LRGUK: variants seen among roughly 807,000 people sequenced by gnomAD.
LRGUK encodes the protein leucine-rich repeat and guanylate kinase domain-containing protein.
LRGUK carries 65 observed loss-of-function variants against 76.0 expected under a neutral mutation model. The ratio of observed to expected loss-of-function variants is 0.85; its 90% confidence interval spans 0.70 to 1.05. The LOEUF (loss-of-function observed/expected upper bound fraction) is 1.05, where lower values mean the gene tolerates loss of function less well. LRGUK is among the 50% of genes least tolerant of loss of function. LRGUK has a pLI of 0.00. For missense variants in LRGUK, 758 were observed against 732.8 expected, an observed-to-expected ratio of 1.03 and a Z score of -0.40; for synonymous variants, 268 against 265.6, an observed-to-expected ratio of 1.01 and a Z score of -0.09.
chr7:134,243,550 G>C (rs1802217608), intron 16 of LRGUK, among the ~76,000 whole-genome samples: 1 of 151,674 alleles, frequency 6.6e-6, no homozygotes, highest in African/African-American at 2.4e-5. Flanking sequence ...CAAAATAAAA[G>C]AGGACACAAA....
chr7:134,253,304 A>T (rs1234276829), intron 18 of LRGUK, among the ~76,000 whole-genome samples: 2 of 152,206 alleles, frequency 1.3e-5, no homozygotes, highest in Non-Finnish European at 2.9e-5. Context: ...GCAGACCCGT[A>T]ATGACAAAGT....
intron 5 of LRGUK, 63 bp downstream of exon 5, chr7:134,148,382 T>C: frequency 1.0e-6 from 1 of 966,578 alleles, no homozygotes; most frequent in African/African-American, 1.7e-5. Flanking sequence ...AGACTACATA[T>C]TCAAGAATTG....
intron 5 of LRGUK, among the ~76,000 whole-genome samples, chr7:134,149,638 C>G (rs976416879): frequency 1.2e-4 from 19 of 152,170 alleles, no homozygotes; most frequent in African/African-American, 4.6e-4. Flanking sequence ...TGATTATAGC[C>G]TAACAGAGAA....
chr7:134,148,513 T>G (rs1798071904), intron 5 of LRGUK, among the ~76,000 whole-genome samples, 194 bp downstream of exon 5: 1 of 152,146 alleles, frequency 6.6e-6, no homozygotes, highest in Non-Finnish European at 1.5e-5. Context: ...GAAATGAAAC[T>G]GTGAGTCAAA....
At chr7:134,157,543 G>A (rs1487722683) in intron 5 of LRGUK, among the ~76,000 whole-genome samples, 1 of 152,322 alleles carries the variant, frequency 6.6e-6, no homozygotes, top group East Asian at 1.9e-4. Context: ...GTTTTTTTGA[G>A]ACGGAGTCTT....
At chr7:134,263,869 A>T in exon 20 of LRGUK, 1 of 1,610,700 alleles carries the variant, frequency 6.2e-7, no homozygotes, top group Non-Finnish European at 8.5e-7. Flanking sequence ...TCATTTTCAC[A>T]TGAAAAAGAG....
intron 16 of LRGUK, among the ~76,000 whole-genome samples, chr7:134,247,018 C>T (rs746328165): frequency 6.6e-6 from 1 of 152,134 alleles, no homozygotes; most frequent in Non-Finnish European, 1.5e-5. Context: ...AGACCATAAA[C>T]CTTTTGAATG....
chr7:134,243,608 T>C (rs1802219305), intron 16 of LRGUK, among the ~76,000 whole-genome samples: 1 of 152,058 alleles, frequency 6.6e-6, no homozygotes, highest in African/African-American at 2.4e-5. Context: ...ATCAATATTG[T>C]GAAAATGGCC....
intron 12 of LRGUK, among the ~76,000 whole-genome samples, chr7:134,194,410 AG>A (rs1167215034): frequency 6.6e-6 from 1 of 152,182 alleles, no homozygotes; most frequent in Non-Finnish European, 1.5e-5. Context: ...AGTGTTAGTC[AG>A]GGTTCTCCAG....
intron 14 of LRGUK, among the ~76,000 whole-genome samples, chr7:134,200,181 T>A (rs1031863867): frequency 6.6e-6 from 1 of 150,394 alleles, no homozygotes; most frequent in Admixed American, 6.6e-5. Flanking sequence ...GGATTACAGG[T>A]GCCCGCCACC....
At position 134,199,437 on chromosome 7, in the gene LRGUK, CAA is replaced by C. The variant is rs1800657547; in HGVS notation, c.1747+18_1747+19del. 6.3e-7 allele frequency: 1 copy of C among 1,599,088 alleles called. No individual in the cohort carries two copies. The highest frequency in any genetic ancestry group is 1.7e-5 in the Admixed American group (1 of 59,248). On this transcript the variant is annotated intron_variant, in intron 14 of 15. Coordinates refer to ENST00000645682, the Ensembl canonical transcript of LRGUK. ...ATCAATGCAGGTTGGTAATTTTCAGCAAAGTTTTGTTTTTGAAATGTAAGATT... is the reference window on the plus strand; with the variant it reads ...ATCAATGCAGGTTGGTAATTTTCAGCAGTTTTGTTTTTGAAATGTAAGATT...
chr7:134,164,718 T>TGTG (rs1798897300), intron 7 of LRGUK, among the ~76,000 whole-genome samples: 2 of 152,290 alleles, frequency 1.3e-5, no homozygotes, highest in East Asian at 3.9e-4. Flanking sequence ...TGTGTTCTGC[T>TGTG]GTGGTGGTGC....
chr7:134,270,610 A>G, the LRGUK span, among the ~76,000 whole-genome samples: 2 of 152,072 alleles, frequency 1.3e-5, no homozygotes, highest in Non-Finnish European at 2.9e-5. Flanking sequence ...GTTGTTCTCC[A>G]TGAGTCAAAA....
At chr7:134,212,323 G>A (rs139815432), downstream of LRGUK, among the ~76,000 whole-genome samples, 6 of 152,326 alleles carry the variant, frequency 3.9e-5, no homozygotes, top group African/African-American at 1.4e-4. Flanking sequence ...AACTCAAGAT[G>A]TGACTCTTAA....
chr7:134,136,865 T>C (rs747349656), intron 1 of LRGUK, among the ~76,000 whole-genome samples, 158 bp from the exon 2 acceptor site: 1 of 152,256 alleles, frequency 6.6e-6, no homozygotes, highest in Non-Finnish European at 1.5e-5. Flanking sequence ...GTAATATGTA[T>C]ATGTTATCAA....
At chr7:134,249,097 G>A (rs755485451) in intron 18 of LRGUK, 21 bp downstream of exon 18, 68 of 1,544,782 alleles carry the variant, frequency 4.4e-5, no homozygotes, top group Non-Finnish European at 5.6e-5. Flanking sequence ...GTGTTTTGTT[G>A]GATGGAATTG....
rs531384050 is a variant in LRGUK at position 134,245,108 on chromosome 7, CA to C, written c.1984-2447del. Among the ~76,000 whole-genome samples, 722 of 152,208 alleles carry C rather than the reference CA, an allele frequency of 4.7e-3. 1 individual carries two copies. The highest frequency in any genetic ancestry group is 7.5e-3 in the Non-Finnish European group (511 of 68,020). On this transcript the variant is annotated intron_variant, in intron 16 of 19. Coordinates refer to the LRGUK transcript ENST00000285928. ...GTAAATGACGAGTTAATGGGTGCAGCACACCAACATGGCACATGTATACATA... is the reference window on the plus strand; with the variant it reads ...GTAAATGACGAGTTAATGGGTGCAGCCACCAACATGGCACATGTATACATA...
intron 15 of LRGUK, among the ~76,000 whole-genome samples, chr7:134,207,286 A>G (rs919683887): frequency 6.6e-6 from 1 of 152,146 alleles, no homozygotes; most frequent in Non-Finnish European, 1.5e-5. Flanking sequence ...TCATTACCCC[A>G]AACAGAAACT....
At chr7:134,260,401 C>T (rs547965820) in intron 19 of LRGUK, among the ~76,000 whole-genome samples, 1 of 152,242 alleles carries the variant, frequency 6.6e-6, no homozygotes, top group South Asian at 2.1e-4. Context: ...ATGGGCCACA[C>T]TTTTCTGTTT....
Sources: gnomAD v4.1 joint callset for allele counts (sites outside exome capture counted in the v4.1 genomes callset) on GRCh38, gnomAD v4.1.1 for gene constraint, MANE v1.5 for transcripts, NCBI Gene and HGNC (gene_info 2026-07-23, HGNC 2026-07-21) for gene names.